Variants in LARP1 observed in about 807,000 individuals in gnomAD.
LARP1 encodes the protein la-related protein 1.
A neutral mutation model predicts 122.7 loss-of-function variants in LARP1; 36 were observed. The observed-to-expected ratio is 0.29, with a 90% confidence interval of 0.22 to 0.39. The LOEUF (loss-of-function observed/expected upper bound fraction) is 0.39, where lower values mean the gene tolerates loss of function less well. Ranked by LOEUF, LARP1 falls within the 10% of genes least tolerant of loss-of-function variation. The probability of loss-of-function intolerance (pLI) is 1.00; values close to 1 mark genes in which losing one functional copy is unlikely to be tolerated. For missense variants in LARP1, 1,040 were observed against 1,403.6 expected (o/e 0.74, Z 4.14); for synonymous variants, 539 against 528.7 (o/e 1.02, Z -0.27).
chr5:154,749,373 C>G (rs1386201174), intron 1 of LARP1, among the ~76,000 whole-genome samples: 1 of 152,108 alleles, frequency 6.6e-6, no homozygotes, highest in East Asian at 1.9e-4. Flanking sequence ...TTTATCAGAC[C>G]TTCTTCACTG....
intron 1 of LARP1, among the ~76,000 whole-genome samples, chr5:154,731,978 C>T (rs551284763): frequency 2.2e-3 from 330 of 150,152 alleles, no homozygotes; most frequent in South Asian, 3.1e-3. Context: ...GCCGAGATCA[C>T]GCCACTGCAC....
chr5:154,745,305 T>C (rs2113481688), intron 1 of LARP1, among the ~76,000 whole-genome samples: 1 of 152,350 alleles, frequency 6.6e-6, no homozygotes, highest in East Asian at 1.9e-4. Flanking sequence ...CTCATCTTTC[T>C]GAGCCTCAGT....
intron 1 of LARP1, among the ~76,000 whole-genome samples, chr5:154,684,122 C>T (rs950008493): frequency 4.6e-5 from 7 of 152,254 alleles, no homozygotes; most frequent in African/African-American, 1.7e-4. Flanking sequence ...TGCTTCTCAG[C>T]TCCTAATGTG....
At position 154,803,779 on chromosome 5, in the gene LARP1, G is replaced by C; in HGVS notation, c.2439+34G>C. The C allele has an allele frequency of 1.3e-6, 2 of 1,595,268 alleles. No individual in the cohort carries two copies. The highest frequency in any genetic ancestry group is 2.2e-5 in the South Asian group (2 of 90,564). ...TTCCTGTCGGGCTGCTCAGAGTCTT[G>C]GGTCTACTTCATTGCATTCCAGTGC... On this transcript the variant is annotated intron_variant, in intron 13 of 18. Transcript: ENST00000518297. The surrounding 1 kb of genome is among the most constrained non-coding windows in gnomAD (Gnocchi z 4.4).
chr5:154,762,826 T>G (rs898422526), intron 1 of LARP1, among the ~76,000 whole-genome samples: 26 of 152,108 alleles, frequency 1.7e-4, no homozygotes, highest in African/African-American at 6.3e-4. Context: ...TAGAATGGAG[T>G]TGCAAGCTTC....
chr5:154,713,174 G>C (rs376824762), intron 1 of LARP1: 1 of 1,536,452 alleles, frequency 6.5e-7, no homozygotes, highest in Non-Finnish European at 8.9e-7. Flanking sequence ...AGGACAGCAG[G>C]GTGTGGTAGG....
chr5:154,765,013 T>G (rs1020149900), intron 1 of LARP1, among the ~76,000 whole-genome samples: 7 of 152,136 alleles, frequency 4.6e-5, no homozygotes, highest in African/African-American at 1.2e-4. Flanking sequence ...CTCATGTAGA[T>G]TTTTGCAGCA....
At position 154,780,864 on chromosome 5, in the gene LARP1, C is replaced by G. The variant is rs1756363954; in HGVS notation, c.437-9461C>G. 2.6e-5 allele frequency among the ~76,000 whole-genome samples: 4 copies of G among 151,864 alleles called. No homozygotes were observed. The South Asian group carries it at 8.3e-4, about 32-fold the overall frequency. ...ATCACTTGAGGTCAGGAGTTCAAGA[C>G]CAGCCTGGCCAACATGGTGAAACCC... On this transcript the variant is annotated intron_variant, in intron 1 of 18. Coordinates refer to ENST00000518297, the MANE Select transcript of LARP1 (RefSeq NM_033551.3).
intron 1 of LARP1, among the ~76,000 whole-genome samples, chr5:154,687,828 G>A (rs1008530034): frequency 3.3e-5 from 5 of 152,128 alleles, no homozygotes; most frequent in Admixed American, 6.5e-5. Context: ...TTAATTAGTC[G>A]AGCTGCAGCC....
rs1409150638 is a variant in LARP1 at position 154,793,605 on chromosome 5, C to T, written c.750C>T (p.His250=). 9 of 1,614,078 alleles carry T rather than the reference C, an allele frequency of 5.6e-6. No individual in the cohort carries two copies. The Admixed American group carries it at 1.2e-4, about 21-fold the overall frequency. The change falls in exon 5 of 19, where the codon CAC becomes CAT. Residue 250 remains histidine, a synonymous_variant. Coordinates refer to ENST00000518297, the MANE Select transcript of LARP1 (RefSeq NM_033551.3). The part of the protein sequence containing the change: ...RGGQKKKGNK[H]KWVPLQIDMK... ...CATGCTGTCTCCCAGGAAACAAACA[C>T]AAGTGGGTTCCATTACAAATAGACA...
chr5:154,717,997 A>AGTCTCAAAATCCTGG (rs1386725171), intron 1 of LARP1, among the ~76,000 whole-genome samples: 1 of 151,998 alleles, frequency 6.6e-6, no homozygotes, highest in Non-Finnish European at 1.5e-5. Context: ...AGCTCACTGC[A>AGTCTCAAAATCCTGG]GTCTCAAAAT....
At chr5:154,795,066 G>T in intron 7 of LARP1, 109 bp from the exon 8 acceptor site, 1 of 1,020,988 alleles carries the variant, frequency 9.8e-7, no homozygotes, top group Non-Finnish European at 1.5e-6. Context: ...GGATGGGGTA[G>T]GTCAGAGGCT....
intron 10 of LARP1, among the ~76,000 whole-genome samples, chr5:154,801,438 C>G (rs1223918929): frequency 6.6e-6 from 1 of 152,186 alleles, no homozygotes; most frequent in African/African-American, 2.4e-5. Context: ...TTGACTTTCT[C>G]CCATTGAGCT....
At chr5:154,771,100 A>C (rs1755386998) in intron 1 of LARP1, among the ~76,000 whole-genome samples, 1 of 148,972 alleles carries the variant, frequency 6.7e-6, no homozygotes, top group Admixed American at 6.7e-5. Context: ...CAGCAGAGCG[A>C]GACTGTGTCT....
At chr5:154,779,042 T>C (rs546219116) in intron 1 of LARP1, among the ~76,000 whole-genome samples, 12 of 152,116 alleles carry the variant, frequency 7.9e-5, no homozygotes, top group Non-Finnish European at 1.3e-4. Context: ...CCACCTTTTT[T>C]TGGGCACCAG....
rs138948731 is a variant in LARP1, at chr5:154,760,750, A to G, written c.436+4557A>G. On this transcript the variant is annotated intron_variant, in intron 1 of 18. Coordinates refer to ENST00000518297, the MANE Select transcript of LARP1 (RefSeq NM_033551.3). ...TCAGTTTCTAAATGTGAGAAATTCT[A>G]CAAGACACACTATTTCCAATAAATA... is the stretch of plus-strand genomic sequence containing the variant. Among the ~76,000 whole-genome samples the G allele has an allele frequency of 1.7e-4, 26 of 152,370 alleles. 1 individual carries two copies. The East Asian group carries it at 4.0e-3, about 24-fold the overall frequency.
intron 1 of LARP1, among the ~76,000 whole-genome samples, chr5:154,706,838 C>T: frequency 6.6e-6 from 1 of 152,016 alleles, no homozygotes; most frequent in Admixed American, 6.6e-5. Flanking sequence ...AATTTTATAA[C>T]TGCGACAAAC....
intron 1 of LARP1, among the ~76,000 whole-genome samples, chr5:154,720,745 C>T (rs1755814592): frequency 6.6e-6 from 1 of 152,054 alleles, no homozygotes; most frequent in South Asian, 2.1e-4. Flanking sequence ...AAATTCTTTC[C>T]TTCCAAGTTC....
intron 1 of LARP1, among the ~76,000 whole-genome samples, chr5:154,786,938 G>A (rs991487853): frequency 2.6e-5 from 4 of 151,774 alleles, no homozygotes; most frequent in African/African-American, 9.7e-5. Flanking sequence ...GAGCACAATG[G>A]TGCAATCTCT....
Sources: allele counts gnomAD v4.1 joint callset (sites outside exome capture counted in the v4.1 genomes callset), GRCh38; gene constraint gnomAD v4.1.1; non-coding constraint Gnocchi (gnomAD v3.1); transcripts MANE v1.5; gene names NCBI Gene and HGNC (gene_info 2026-07-23, HGNC 2026-07-21).